NAV3: variants seen among roughly 807,000 people sequenced by gnomAD.
The protein encoded by NAV3 is neuron navigator 3.
A neutral mutation model predicts 244.7 loss-of-function variants in NAV3; 87 were observed. The observed-to-expected ratio is 0.36, with a 90% CI of 0.30 to 0.42. The LOEUF is 0.42. Ranked by LOEUF, NAV3 falls within the 20% of genes least tolerant of loss-of-function variation. The pLI, the probability that NAV3 is intolerant of heterozygous loss-of-function variation, is 1.00. For synonymous variants in NAV3, 1,126 were observed against 1,042.2 expected, an observed-to-expected ratio of 1.08 and a Z score of -1.55; for missense variants, 2,663 against 2,893.3, an observed-to-expected ratio of 0.92 and a Z score of 1.83.
chr12:78,007,040 A>G lies in NAV3; in HGVS notation c.1502A>G (p.Lys501Arg), dbSNP rs370427296. Residue 501 changes from lysine (K) to arginine (R), a missense_variant, in exon 8 of 40, where the codon AAA (lysine) becomes AGA (arginine). Around this residue, in one of 6 missense-constraint regions of NAV3, gnomAD observed 1,521 missense variants for 1,497.0 expected, o/e 1.02. Transcript: ENST00000397909. The stretch of plus-strand genomic sequence containing the variant: ...GAGATGGCTCCAAAAAAGACCTCCA[A>G]AATTGCAAGCTTGATCCCTAAGGGC... Reference protein sequence around the residue: ...VTEMAPKKTSKIASLIPKGSK... With the variant: ...VTEMAPKKTSRIASLIPKGSK... 2.6e-4 allele frequency: 417 copies of G among 1,614,112 alleles called. No individual in the cohort carries two copies. Among genetic ancestry groups the G allele is most frequent in the Non-Finnish European group, 3.5e-4 (408 of 1,180,018 alleles).
chr12:77,665,838 A>G lies in NAV3; in HGVS notation c.72+93572A>G, dbSNP rs547726030. Reference sequence around the variant, plus strand: ...CTGCTGATCCTAACCATTCCACTTCAAGTTAATATAGTTTGCCTGGAATCA... The same window carrying G: ...CTGCTGATCCTAACCATTCCACTTCGAGTTAATATAGTTTGCCTGGAATCA... On this transcript the variant is annotated intron_variant, in intron 2 of 8. Coordinates refer to the NAV3 transcript ENST00000550042. Among the ~76,000 whole-genome samples, 5 of 152,306 alleles carry G rather than the reference A, an allele frequency of 3.3e-5. No homozygotes were observed. In the East Asian group the frequency reaches 9.6e-4, roughly 29 times the overall value.
intron 2 of NAV3, among the ~76,000 whole-genome samples, chr12:77,599,969 G>GCCATTAGGC (rs1870349292): frequency 6.6e-6 from 1 of 151,900 alleles, no homozygotes; most frequent in African/African-American, 2.4e-5. Context: ...GAAATATTTT[G>GCCATTAGGC]CCATTAGGCC....
chr12:77,652,030 G>T (rs921447100), intron 2 of NAV3, among the ~76,000 whole-genome samples: 2 of 151,950 alleles, frequency 1.3e-5, no homozygotes, highest in Admixed American at 1.3e-4. Flanking sequence ...TGCAGGGAAG[G>T]CAAAAAATAG....
chr12:78,121,876 G>A lies in NAV3; in HGVS notation c.3750-64G>A, dbSNP rs975886354. 35 of 1,583,294 alleles carry A rather than the reference G, an allele frequency of 2.2e-5. No homozygotes were observed. The East Asian group carries it at 2.9e-4, about 13-fold the overall frequency. ...CACTTGGCTCTGTGTACTGTAACCCGAAATATTAAATGTGGATATTAGCTT... is the reference window on the plus strand; with the variant it reads ...CACTTGGCTCTGTGTACTGTAACCCAAAATATTAAATGTGGATATTAGCTT... On this transcript the variant is annotated intron_variant, in intron 15 of 39. Transcript: ENST00000397909.
chr12:78,095,337 G>A (rs377424936), intron 12 of NAV3, among the ~76,000 whole-genome samples: 123 of 152,128 alleles, frequency 8.1e-4, no homozygotes, highest in African/African-American at 2.8e-3. Flanking sequence ...CTCTTGAAGA[G>A]AGAGCAAGAG....
intron 2 of NAV3, among the ~76,000 whole-genome samples, chr12:77,824,983 T>C (rs1592715352): frequency 6.6e-6 from 1 of 152,274 alleles, no homozygotes; most frequent in East Asian, 1.9e-4. Flanking sequence ...AGTTGGATAA[T>C]ACAGTCAGGA....
chr12:77,728,590 TGGAAAGGGTAAGAGTGAGGGA>T (rs1420241019), intron 2 of NAV3, among the ~76,000 whole-genome samples: 5 of 151,842 alleles, frequency 3.3e-5, no homozygotes, highest in African/African-American at 1.2e-4. Flanking sequence ...TGTTATTGGA[TGGAAAGGGTAAGAGTGAGGGA>T]GGAAATGCAC....
At chr12:78,195,357 A>T (rs1179817430) in intron 34 of NAV3, among the ~76,000 whole-genome samples, 3 of 151,226 alleles carry the variant, frequency 2.0e-5, no homozygotes, top group African/African-American at 4.9e-5. Flanking sequence ...AATCCTTTTT[A>T]TTATTATTAT....
intron 2 of NAV3, among the ~76,000 whole-genome samples, chr12:77,733,980 G>A (rs1877231255): frequency 6.6e-6 from 1 of 151,650 alleles, no homozygotes; most frequent in Admixed American, 6.6e-5. Flanking sequence ...GGAAAGGTAA[G>A]TCAAGATTTT....
chr12:77,572,153 T>G (rs1021774196), exon 2 of NAV3: 2 of 154,374 alleles, frequency 1.3e-5, no homozygotes, highest in Non-Finnish European at 2.9e-5. Flanking sequence ...GTTTGCTGCT[T>G]TTTTGAAGAG....
intron 2 of NAV3, among the ~76,000 whole-genome samples, chr12:77,703,958 G>A (rs146253890): frequency 9.5e-4 from 144 of 152,214 alleles, no homozygotes; most frequent in African/African-American, 3.2e-3. Flanking sequence ...CTTCTATACC[G>A]CATTTGACTT....
intron 2 of NAV3, among the ~76,000 whole-genome samples, chr12:77,771,523 C>A (rs10745603): frequency 0.94 from 142,405 of 152,244 alleles, 67,366 homozygotes; most frequent in East Asian, 1. Flanking sequence ...CCAAATGTCC[C>A]ACAATGATAG....
chr12:78,050,742 AT>A (rs751198649), intron 10 of NAV3, 21 bp from the exon 11 acceptor site: 10 of 1,565,284 alleles, frequency 6.4e-6, no homozygotes, highest in Non-Finnish European at 7.8e-6. Context: ...GAGTATAGTT[AT>A]TTCTCCATTT....
At position 77,691,333 on chromosome 12, in the gene NAV3, G is replaced by GTATATATATA. The variant is rs1214933751; in HGVS notation, c.72+119068_72+119069insATATATATAT. Among the ~76,000 whole-genome samples the GTATATATATA allele has an allele frequency of 1.7e-3, 169 of 100,928 alleles. 5 individuals are homozygous for GTATATATATA. Among genetic ancestry groups the GTATATATATA allele is most frequent in the African/African-American group, 5.8e-3 (152 of 26,102 alleles). 66.2% of individuals were successfully genotyped at this position (100,928 alleles called of 152,430 possible). On this transcript the variant is annotated intron_variant, in intron 2 of 8. Transcript: ENST00000550042. ...TAGTCATATATAAGTATTTGTGTAT[G>GTATATATATA]TGTGTATATATATATATATATACAT...
intron 2 of NAV3, among the ~76,000 whole-genome samples, chr12:77,640,510 G>C (rs1872361575): frequency 6.6e-6 from 1 of 152,068 alleles, no homozygotes; most frequent in African/African-American, 2.4e-5. Context: ...GCATATAAGT[G>C]ATATCATACA....
chr12:77,961,026 G>T (rs1408149870), intron 3 of NAV3, among the ~76,000 whole-genome samples: 2 of 130,726 alleles, frequency 1.5e-5, no homozygotes, highest in African/African-American at 2.9e-5. Context: ...TATGTTACAT[G>T]TATACGCATA....
At chr12:77,963,219 T>G (rs1892185170) in intron 3 of NAV3, among the ~76,000 whole-genome samples, 1 of 152,130 alleles carries the variant, frequency 6.6e-6, no homozygotes, top group African/African-American at 2.4e-5. Flanking sequence ...TTATAATAAC[T>G]GAGAGATGTT....
chr12:78,027,695 A>G (rs1430503203), intron 9 of NAV3, among the ~76,000 whole-genome samples: 2 of 152,182 alleles, frequency 1.3e-5, no homozygotes, highest in Admixed American at 6.5e-5. Context: ...GCTGCTATGT[A>G]TCTTTTCCAT....
intron 12 of NAV3, among the ~76,000 whole-genome samples, chr12:78,084,134 G>A (rs1232445630): frequency 6.6e-6 from 1 of 152,024 alleles, no homozygotes; most frequent in Admixed American, 6.6e-5. Context: ...ACATTTCCCT[G>A]CTCCACTCTT....
Sources: allele counts gnomAD v4.1 joint callset (sites outside exome capture counted in the v4.1 genomes callset), GRCh38; gene constraint gnomAD v4.1.1; regional missense constraint gnomAD v4.1.1; transcripts MANE v1.5; gene names NCBI Gene and HGNC (gene_info 2026-07-23, HGNC 2026-07-21).